CYP4X1: variants seen among roughly 807,000 people sequenced by gnomAD.
The protein encoded by CYP4X1 is cytochrome P450 family 4 subfamily X member 1, also known as cytochrome P450 4X1.
Under a neutral mutation model 57.9 loss-of-function variants are expected in CYP4X1, and 44 were observed. The ratio of observed to expected loss-of-function variants is 0.76; its 90% confidence interval spans 0.60 to 0.98. The LOEUF is 0.98. CYP4X1 is among the 50% of genes least tolerant of loss of function. The probability of loss-of-function intolerance (pLI) is 0.00; values close to 1 mark genes in which losing one functional copy is unlikely to be tolerated. For missense variants in CYP4X1, 532 were observed against 623.9 expected (o/e 0.85, Z 1.57); for synonymous variants, 227 against 228.6 (o/e 0.99, Z 0.06).
chr1:47,051,107 G>A (rs1051378856), downstream of CYP4X1, among the ~76,000 whole-genome samples: 1 of 152,138 alleles, frequency 6.6e-6, no homozygotes, highest in Middle Eastern at 3.2e-3. Flanking sequence ...AGACATTTAC[G>A]CAGCCAAAAG....
chr1:47,027,320 A>T (rs1181569920), intron 1 of CYP4X1, among the ~76,000 whole-genome samples: 1 of 152,130 alleles, frequency 6.6e-6, no homozygotes, highest in East Asian at 1.9e-4. Flanking sequence ...GAAATCTAGT[A>T]TCTAAGGCTC....
Position 47,048,643 on chromosome 1 carries a change from T to A in CYP4X1, c.1272+14T>A. 4 of 1,606,568 alleles carry A rather than the reference T, an allele frequency of 2.5e-6. No individual in the cohort carries two copies. The highest frequency in any genetic ancestry group is 1.1e-5 in the South Asian group (1 of 89,262). On this transcript the variant is annotated intron_variant, in intron 10 of 11. Transcript: ENST00000371901. ...AAAAACCCAAAGGTATGATTCTCTC[T>A]TGTACATAAATACTTCCAAGAACTA... is the stretch of plus-strand genomic sequence containing the variant.
Position 47,050,332 on chromosome 1 carries a change from C to T in CYP4X1, c.*158C>T. The stretch of plus-strand genomic sequence containing the variant: ...AGATCCAAAATCATTTCTAGGTACA[C>T]AGTGTGTCAGCTAGATCTGTTTCTA... On this transcript the variant is annotated 3_prime_UTR_variant, in exon 12 of 12. Coordinates refer to ENST00000371901, the MANE Select transcript of CYP4X1 (RefSeq NM_178033.2). The T allele has an allele frequency of 1.4e-6, 1 of 693,928 alleles. No homozygotes were observed. Among genetic ancestry groups the T allele is most frequent in the African/African-American group, 1.8e-5 (1 of 55,376 alleles). The allele number at this position is 693,928 out of a possible 1,614,324, so 43.0% of individuals were successfully genotyped here.
chr1:47,009,766 G>A, the CYP4X1 span, among the ~76,000 whole-genome samples: 1 of 152,320 alleles, frequency 6.6e-6, no homozygotes, highest in African/African-American at 2.4e-5. Context: ...ACTACCATCA[G>A]GGAATACTAT....
chr1:47,052,605 A>T (rs956140502), downstream of CYP4X1, among the ~76,000 whole-genome samples: 9 of 152,268 alleles, frequency 5.9e-5, no homozygotes, highest in African/African-American at 2.2e-4. Context: ...CAAACATAGC[A>T]TATTTATTGG....
chr1:46,975,465 T>C, the CYP4X1 span, among the ~76,000 whole-genome samples: 1 of 152,170 alleles, frequency 6.6e-6, no homozygotes, highest in Non-Finnish European at 1.5e-5. Flanking sequence ...TGGGATTTCT[T>C]TTCTTTAAGG....
In CYP4X1 at chr1:47,046,541, C is replaced by G. The variant is rs778729788; in HGVS notation, c.1148C>G (p.Ser383Cys). 28 of 1,614,024 alleles carry G rather than the reference C, an allele frequency of 1.7e-5. No individual in the cohort carries two copies. The highest frequency in any genetic ancestry group is 2.3e-5 in the Non-Finnish European group (27 of 1,180,044). Residue 383 changes from serine to cysteine, a missense_variant, in exon 9 of 12, where the codon TCC (serine) becomes TGC (cysteine). By Grantham distance (112) the Ser-to-Cys change is moderately radical. Coordinates refer to ENST00000371901, the MANE Select transcript of CYP4X1 (RefSeq NM_178033.2). ...ETCRLIPAVP[S>C]ISRDLSKPLT... Reference sequence around the variant, plus strand: ...TGCCGATTGATTCCTGCAGTCCCGTCCATTTCCAGAGATCTCAGCAAGCCA... The same window carrying G: ...TGCCGATTGATTCCTGCAGTCCCGTGCATTTCCAGAGATCTCAGCAAGCCA...
At chr1:47,017,424 C>T in the CYP4X1 span, among the ~76,000 whole-genome samples, 1 of 140,038 alleles carries the variant, frequency 7.1e-6, no homozygotes, top group South Asian at 2.4e-4. Flanking sequence ...ATTTGAGAAA[C>T]AAATTTTTTT....
chr1:47,022,185 A>G (rs977719559), upstream of CYP4X1, among the ~76,000 whole-genome samples: 1 of 152,044 alleles, frequency 6.6e-6, no homozygotes, highest in Non-Finnish European at 1.5e-5. Context: ...AAGTCTGGGA[A>G]AGAAGGAGCT....
At chr1:47,022,353 C>T (rs1161228432), upstream of CYP4X1, among the ~76,000 whole-genome samples, 1 of 137,690 alleles carries the variant, frequency 7.3e-6, no homozygotes, top group Non-Finnish European at 1.5e-5. Flanking sequence ...TGCAGTGGCG[C>T]GATCTCGGCT....
At chr1:46,964,408 G>A in the CYP4X1 span, among the ~76,000 whole-genome samples, 171 of 152,254 alleles carry the variant, frequency 1.1e-3, 1 homozygote, top group African/African-American at 3.9e-3. Flanking sequence ...TGACGTACAG[G>A]TGGGGTTTTG....
intron 1 of CYP4X1, among the ~76,000 whole-genome samples, 196 bp from the exon 2 acceptor site, chr1:47,029,794 G>T (rs905058130): frequency 3.9e-5 from 6 of 152,024 alleles, no homozygotes; most frequent in Non-Finnish European, 8.8e-5. Flanking sequence ...ATATTGAGAA[G>T]ATAAATACAC....
chr1:47,018,216 G>A, the CYP4X1 span, among the ~76,000 whole-genome samples: 1 of 152,060 alleles, frequency 6.6e-6, no homozygotes, highest in African/African-American at 2.4e-5. Flanking sequence ...TGGTTACAGG[G>A]AGAAGGCCTA....
the CYP4X1 span, chr1:46,961,531 G>A: frequency 8.3e-7 from 1 of 1,204,022 alleles, no homozygotes; most frequent in Non-Finnish European, 1.1e-6. Context: ...TAGCCACAGG[G>A]GTGAGGTGTT....
chr1:46,968,733 T>C, the CYP4X1 span, among the ~76,000 whole-genome samples: 1 of 149,760 alleles, frequency 6.7e-6, no homozygotes, highest in African/African-American at 2.5e-5. Context: ...GAGGGAGCAA[T>C]GTTTGTCTGA....
intron 2 of CYP4X1, among the ~76,000 whole-genome samples, 156 bp downstream of exon 2, chr1:47,030,287 G>A (rs890055960): frequency 2.0e-5 from 3 of 152,092 alleles, no homozygotes; most frequent in African/African-American, 2.4e-5. Context: ...ATACTGAAGG[G>A]GATTCCCATA....
the CYP4X1 span, among the ~76,000 whole-genome samples, chr1:47,003,896 C>T: frequency 3.3e-5 from 5 of 152,304 alleles, no homozygotes; most frequent in South Asian, 4.1e-4. Flanking sequence ...ATCCTTCTCA[C>T]GTTACAAAAT....
downstream of CYP4X1, among the ~76,000 whole-genome samples, chr1:47,054,992 T>C (rs558797047): frequency 6.6e-6 from 1 of 152,330 alleles, no homozygotes; most frequent in South Asian, 2.1e-4. Context: ...ATCCCTGTCT[T>C]GTGCCAGTTT....
At chr1:47,017,819 C>T in the CYP4X1 span, among the ~76,000 whole-genome samples, 2 of 152,262 alleles carry the variant, frequency 1.3e-5, no homozygotes, top group South Asian at 2.1e-4. Flanking sequence ...TTTTTAGATA[C>T]GTTGATTGAT....
Sources: gnomAD v4.1 joint callset for allele counts (sites outside exome capture counted in the v4.1 genomes callset) on GRCh38, gnomAD v4.1.1 for gene constraint, MANE v1.5 for transcripts, NCBI Gene and HGNC (gene_info 2026-07-23, HGNC 2026-07-21) for gene names.